The following LIPI variants were observed in gnomAD, a reference collection of about 807,000 sequenced individuals.
LIPI encodes the protein lipase I.
A neutral mutation model predicts 50.6 loss-of-function variants in LIPI; 59 were observed. That is an observed-to-expected ratio of 1.16 (90% CI 0.94 to 1.45). The LOEUF is 1.45. Among genes scored for constraint, LIPI ranks in the 40% most tolerant of loss-of-function variants. The probability of loss-of-function intolerance (pLI) is 0.00; values close to 1 mark genes in which losing one functional copy is unlikely to be tolerated. For synonymous variants in LIPI, 203 were observed against 178.2 expected, an observed-to-expected ratio of 1.14 and a Z score of -1.11; for missense variants, 586 against 536.3, an observed-to-expected ratio of 1.09 and a Z score of -0.92.
rs1568858217 is a variant in LIPI, at chr21:14,161,609, A to AAT, written c.1006+1808_1006+1809dup. On this transcript the variant is annotated intron_variant, in intron 7 of 9. Coordinates refer to ENST00000681601, the MANE Select transcript of LIPI (RefSeq NM_001302998.2). Reference sequence around the variant, plus strand: ...ATATCTATATAATATATTAATATATAATATACATATATAATATATTAATAT... The same window carrying AAT: ...ATATCTATATAATATATTAATATATAATATATACATATATAATATATTAATAT... Among the ~76,000 whole-genome samples, 136 of 117,844 alleles carry AAT rather than the reference A, an allele frequency of 1.2e-3. 13 individuals carry two copies. Among genetic ancestry groups the AAT allele is most frequent in the African/African-American group, 4.3e-3 (128 of 29,478 alleles). 77.3% of individuals were successfully genotyped at this position (117,844 alleles called of 152,430 possible). A position where few individuals can be genotyped will look rare whatever the true frequency, so the allele number is the denominator to read the frequency against.
At chr21:14,114,535 G>A (rs149528432) in intron 9 of LIPI, among the ~76,000 whole-genome samples, 1 of 152,316 alleles carries the variant, frequency 6.6e-6, no homozygotes, top group East Asian at 1.9e-4. Flanking sequence ...GCAAGGCTTA[G>A]GCAGGAAGCC....
chr21:14,185,817 A>C, intron 3 of LIPI, 144 bp downstream of exon 3: 1 of 583,016 alleles, frequency 1.7e-6, no homozygotes, highest in East Asian at 3.0e-5. Flanking sequence ...CACGAAGCAG[A>C]GGTTGCAGTG....
At chr21:14,169,012 A>T (rs2018794613) in intron 4 of LIPI, among the ~76,000 whole-genome samples, 1 of 151,960 alleles carries the variant, frequency 6.6e-6, no homozygotes, top group Non-Finnish European at 1.5e-5. Context: ...AAAAGGATGG[A>T]GGAAGATCTA....
intron 9 of LIPI, among the ~76,000 whole-genome samples, chr21:14,138,458 T>A (rs1347381193): frequency 6.6e-6 from 1 of 151,714 alleles, no homozygotes; most frequent in African/African-American, 2.4e-5. Context: ...TTAAGCTGAA[T>A]AACTAGAGGA....
chr21:14,134,150 G>A (rs911122656), intron 9 of LIPI, among the ~76,000 whole-genome samples: 8 of 152,134 alleles, frequency 5.3e-5, no homozygotes, highest in Non-Finnish European at 8.8e-5. Context: ...AGGATCACTT[G>A]GGCCCAAGAA....
chr21:14,140,986 A>G (rs1471177427), intron 9 of LIPI, among the ~76,000 whole-genome samples: 1 of 152,146 alleles, frequency 6.6e-6, no homozygotes, highest in Non-Finnish European at 1.5e-5. Flanking sequence ...TATAACATTG[A>G]ATCTTCTACT....
intron 9 of LIPI, among the ~76,000 whole-genome samples, chr21:14,121,040 G>C (rs2155971): frequency 6.6e-6 from 1 of 151,994 alleles, no homozygotes; most frequent in Admixed American, 6.5e-5. Context: ...GCTGGAGGCT[G>C]TCAGTACATA....
intron 9 of LIPI, among the ~76,000 whole-genome samples, chr21:14,140,275 T>G (rs1414299378): frequency 6.6e-6 from 1 of 152,068 alleles, no homozygotes; most frequent in Non-Finnish European, 1.5e-5. Flanking sequence ...CATGATTGGA[T>G]GATGAGTGAG....
chr21:14,109,897 A>G (rs946798046), intron 9 of LIPI, among the ~76,000 whole-genome samples: 12 of 151,790 alleles, frequency 7.9e-5, no homozygotes, highest in African/African-American at 2.9e-4. Flanking sequence ...ATGAATTTTG[A>G]TATCTTTTTT....
chr21:14,154,838 G>A lies in LIPI; in HGVS notation c.1007-2154C>T, dbSNP rs190061446. On this transcript the variant is annotated intron_variant, in intron 7 of 9. Coordinates refer to ENST00000681601, the MANE Select transcript of LIPI (RefSeq NM_001302998.2). ...CAACACCTAAACAGAGGAACTGCCC[G>A]CTAAAATAAAAGTTTTAAATAGATC... 1.0e-3 allele frequency among the ~76,000 whole-genome samples: 152 copies of A among 152,062 alleles called. 1 individual carries two copies. Among genetic ancestry groups the A allele is most frequent in the Admixed American group, 7.9e-3 (120 of 15,246 alleles).
rs1412148521 is a variant in LIPI at position 14,165,324 on chromosome 21, T to C, written c.800A>G (p.Asn267Ser). Residue 267 changes from asparagine to serine, a missense_variant, in exon 6 of 10, where the codon AAC becomes AGC. Transcript: ENST00000681601. ...ACAAGGAAATGAAATAAAATTGCAG[T>C]TTGTTTCTAAAGATGCCATGAACAA... ...VHLFMASLET[N>S]CNFISFPCRS... is the part of the protein sequence containing the mutation. 6.8e-6 allele frequency: 11 copies of C among 1,612,576 alleles called. No homozygotes were observed. Among genetic ancestry groups the C allele is most frequent in the Non-Finnish European group, 8.5e-6 (10 of 1,178,926 alleles).
At position 14,108,816 on chromosome 21, in the gene LIPI, G is replaced by T; in HGVS notation, c.*177C>A. 1 of 623,116 alleles carries T rather than the reference G, an allele frequency of 1.6e-6. No individual in the cohort carries two copies. The highest frequency in any genetic ancestry group is 2.7e-6 in the Non-Finnish European group (1 of 370,572). The allele number at this position is 623,116 out of a possible 1,614,324, so 38.6% of individuals were successfully genotyped here. ...AATAAACAACTTTCAGAATATATTT[G>T]GAATGTTTAACTGTATGCATTTTTT... On this transcript the variant is annotated 3_prime_UTR_variant, in exon 10 of 10. Transcript: ENST00000681601.
rs1314170413 is a variant in LIPI at position 14,189,326 on chromosome 21, A to G, written c.140T>C (p.Met47Thr). 2 of 1,613,214 alleles carry G rather than the reference A, an allele frequency of 1.2e-6. No individual in the cohort carries two copies. Among genetic ancestry groups the G allele is most frequent in the East Asian group, 4.5e-5 (2 of 44,856 alleles). The change falls in exon 2 of 10, where the codon ATG becomes ACG. Residue 47 changes from methionine (M) to threonine (T), a missense_variant. Met to Thr is a moderately conservative substitution (Grantham distance 81). Coordinates refer to ENST00000681601, the MANE Select transcript of LIPI (RefSeq NM_001302998.2). Reference sequence around the variant, plus strand: ...ACAGTTTAGGTTGTTCCTTGTATACATCATCAGAATGGTCTCTATTCTCGG... The same window carrying G: ...ACAGTTTAGGTTGTTCCTTGTATACGTCATCAGAATGGTCTCTATTCTCGG... ...FIPRIETILM[M>T]YTRNNLNCAE...
intron 7 of LIPI, among the ~76,000 whole-genome samples, chr21:14,159,884 A>G (rs897041329): frequency 6.6e-6 from 1 of 151,398 alleles, no homozygotes; most frequent in African/African-American, 2.4e-5. Flanking sequence ...TACATTTTAC[A>G]ATTACTCCCC....
intron 4 of LIPI, among the ~76,000 whole-genome samples, chr21:14,166,899 G>A (rs942835652): frequency 4.6e-5 from 7 of 152,246 alleles, no homozygotes; most frequent in African/African-American, 1.7e-4. Context: ...GCAAGCCGAA[G>A]CAGGGTGAGG....
At chr21:14,183,596 C>T (rs2019349695) in intron 3 of LIPI, among the ~76,000 whole-genome samples, 1 of 152,022 alleles carries the variant, frequency 6.6e-6, no homozygotes, top group Non-Finnish European at 1.5e-5. Flanking sequence ...GGCTAATATC[C>T]AAAATCTACA....
At chr21:14,208,184 A>C (rs2020276045) in intron 1 of LIPI, among the ~76,000 whole-genome samples, 1 of 152,164 alleles carries the variant, frequency 6.6e-6, no homozygotes, top group South Asian at 2.1e-4. Context: ...TTCTGGAAAG[A>C]TTACTGCCCT....
At chr21:14,176,477 G>T (rs442882) in intron 4 of LIPI, among the ~76,000 whole-genome samples, 26,504 of 151,482 alleles carry the variant, frequency 0.17, 2,751 homozygotes, top group South Asian at 0.27. Context: ...ATCCAAAAAG[G>T]TTTAATATGC....
chr21:14,195,983 T>G (rs1443675007), intron 1 of LIPI, among the ~76,000 whole-genome samples: 2 of 152,138 alleles, frequency 1.3e-5, no homozygotes, highest in African/African-American at 4.8e-5. Context: ...CCTTGAACAT[T>G]GCTGGGGGAA....
Sources: allele counts gnomAD v4.1 joint callset (sites outside exome capture counted in the v4.1 genomes callset), GRCh38; gene constraint gnomAD v4.1.1; transcripts MANE v1.5; gene names NCBI Gene and HGNC (gene_info 2026-07-23, HGNC 2026-07-21).